Variants in MGAT4C observed in about 807,000 individuals in gnomAD.
The protein encoded by MGAT4C is MGAT4 family member C.
A neutral mutation model predicts 40.1 loss-of-function variants in MGAT4C; 19 were observed. The observed-to-expected ratio is 0.47, with a 90% CI of 0.33 to 0.70. The LOEUF (loss-of-function observed/expected upper bound fraction) is 0.70. Ranked by LOEUF, MGAT4C falls within the 30% of genes least tolerant of loss-of-function variation. MGAT4C has a pLI of 0.02. For synonymous variants in MGAT4C, 181 were observed against 187.1 expected (o/e 0.97, Z 0.27); for missense variants, 491 against 563.2 (o/e 0.87, Z 1.30).
At chr12:86,600,425 T>C (rs1961724057) in intron 2 of MGAT4C, among the ~76,000 whole-genome samples, 1 of 152,198 alleles carries the variant, frequency 6.6e-6, no homozygotes, top group Non-Finnish European at 1.5e-5. Flanking sequence ...TGTGATCTCA[T>C]GATCTCATTT....
chr12:86,520,867 G>C (rs973914374), intron 2 of MGAT4C, among the ~76,000 whole-genome samples: 33 of 152,022 alleles, frequency 2.2e-4, no homozygotes, highest in African/African-American at 7.7e-4. Context: ...TTTGCTTCAT[G>C]TATGTCTTTT....
At chr12:86,303,975 A>AAATTCC (rs1953875038) in intron 4 of MGAT4C, among the ~76,000 whole-genome samples, 1 of 150,282 alleles carries the variant, frequency 6.7e-6, no homozygotes, top group African/African-American at 2.5e-5. Flanking sequence ...ACTGGAATAG[A>AAATTCC]AAGTAGGCAT....
chr12:86,807,738 A>G (rs1288871348), intron 1 of MGAT4C, among the ~76,000 whole-genome samples: 2 of 152,064 alleles, frequency 1.3e-5, no homozygotes, highest in Non-Finnish European at 2.9e-5. Flanking sequence ...TTACATTCTC[A>G]CCAACAGTGT....
At position 86,376,103 on chromosome 12, in the gene MGAT4C, T is replaced by G. The variant is rs1353421400; in HGVS notation, c.-119-41976A>C. On this transcript the variant is annotated intron_variant, in intron 3 of 7. Coordinates refer to the MGAT4C transcript ENST00000548651. ...CAAATGGATAGTTAAATTGAAAAAATGAGGCTGTAGGGTGGCTCATGCCTA... is the reference window on the plus strand; with the variant it reads ...CAAATGGATAGTTAAATTGAAAAAAGGAGGCTGTAGGGTGGCTCATGCCTA... Among the ~76,000 whole-genome samples the G allele has an allele frequency of 2.0e-5, 3 of 150,960 alleles. No individual in the cohort carries two copies. In the East Asian group the frequency reaches 5.9e-4, roughly 30 times the overall value.
chr12:86,789,168 T>C (rs878942759), intron 1 of MGAT4C, among the ~76,000 whole-genome samples: 1 of 152,146 alleles, frequency 6.6e-6, no homozygotes, highest in African/African-American at 2.4e-5. Context: ...CGACACTTCT[T>C]GCTAACATTA....
intron 1 of MGAT4C, among the ~76,000 whole-genome samples, chr12:86,218,504 G>T (rs985985494): frequency 3.9e-5 from 6 of 152,054 alleles, no homozygotes; most frequent in Non-Finnish European, 7.4e-5. Flanking sequence ...TAAATTATAA[G>T]AAAAACACTG....
At chr12:86,360,358 G>A (rs1306428557) in intron 3 of MGAT4C, among the ~76,000 whole-genome samples, 2 of 152,170 alleles carry the variant, frequency 1.3e-5, no homozygotes, top group African/African-American at 2.4e-5. Context: ...AGCTATTTAT[G>A]ACAAACCCAC....
chr12:86,078,060 T>C (rs776145254), intron 1 of MGAT4C, among the ~76,000 whole-genome samples: 7 of 152,014 alleles, frequency 4.6e-5, no homozygotes, highest in African/African-American at 7.2e-5. Flanking sequence ...GAAGCAAAAA[T>C]TTTGCTGGTG....
chr12:86,665,560 G>A (rs889857937), intron 2 of MGAT4C, among the ~76,000 whole-genome samples: 2 of 151,880 alleles, frequency 1.3e-5, no homozygotes, highest in African/African-American at 2.4e-5. Flanking sequence ...TGTATTTTTA[G>A]TAGAGATGGG....
intron 2 of MGAT4C, among the ~76,000 whole-genome samples, chr12:86,013,998 A>T (rs1460201094): frequency 6.6e-6 from 1 of 152,168 alleles, no homozygotes; most frequent in African/African-American, 2.4e-5. Flanking sequence ...CTGCTGACCA[A>T]TAAAACACAA....
intron 1 of MGAT4C, among the ~76,000 whole-genome samples, chr12:86,793,972 A>G (rs1381903222): frequency 6.6e-6 from 1 of 152,000 alleles, no homozygotes; most frequent in Admixed American, 6.6e-5. Context: ...TTGGAAAGCA[A>G]GTAAGAGATG....
intron 1 of MGAT4C, among the ~76,000 whole-genome samples, chr12:86,249,291 C>T (rs1258008579): frequency 1.3e-5 from 2 of 152,060 alleles, no homozygotes; most frequent in African/African-American, 2.4e-5. Flanking sequence ...CATGTGTGAC[C>T]CACCTTTCTA....
At chr12:86,807,024 T>TA (rs1471201645) in intron 1 of MGAT4C, among the ~76,000 whole-genome samples, 1 of 149,826 alleles carries the variant, frequency 6.7e-6, no homozygotes, top group Admixed American at 6.7e-5. Flanking sequence ...TATATATAAA[T>TA]AAAAAATAAA....
rs186221196 is a variant in MGAT4C at position 86,366,923 on chromosome 12, G to A, written c.-119-32796C>T. Among the ~76,000 whole-genome samples, 7 of 152,084 alleles carry A rather than the reference G, an allele frequency of 4.6e-5. No individual in the cohort carries two copies. The East Asian group carries it at 1.4e-3, about 29-fold the overall frequency. On this transcript the variant is annotated intron_variant, in intron 3 of 7. Coordinates refer to the MGAT4C transcript ENST00000548651. ...TGTATTTATAAAAATTAACTTCTCAGCAATTTAGGAATATAATGAACCACT... is the reference window on the plus strand; with the variant it reads ...TGTATTTATAAAAATTAACTTCTCAACAATTTAGGAATATAATGAACCACT...
At chr12:86,260,583 C>A (rs1371758377), upstream of MGAT4C, among the ~76,000 whole-genome samples, 1 of 152,006 alleles carries the variant, frequency 6.6e-6, no homozygotes, top group Admixed American at 6.5e-5. Flanking sequence ...GGAAATGAAG[C>A]AGAGTTAGTT....
chr12:86,263,471 C>T (rs1370470929), intron 4 of MGAT4C, among the ~76,000 whole-genome samples: 1 of 152,012 alleles, frequency 6.6e-6, no homozygotes, highest in African/African-American at 2.4e-5. Flanking sequence ...AGATAATGTC[C>T]TCCAATTTTG....
At chr12:86,553,514 ATTATG>A (rs2136399484) in intron 2 of MGAT4C, among the ~76,000 whole-genome samples, 1 of 152,160 alleles carries the variant, frequency 6.6e-6, no homozygotes, top group African/African-American at 2.4e-5. Flanking sequence ...CCTCCTCACT[ATTATG>A]TTATCACTCC....
At chr12:86,582,300 A>G (rs1960815894) in intron 2 of MGAT4C, among the ~76,000 whole-genome samples, 1 of 151,360 alleles carries the variant, frequency 6.6e-6, no homozygotes, top group Admixed American at 6.6e-5. Flanking sequence ...TGAATGTGAA[A>G]TGATGAGTAC....
At chr12:86,022,191 C>T (rs1889804396) in intron 2 of MGAT4C, among the ~76,000 whole-genome samples, 1 of 152,142 alleles carries the variant, frequency 6.6e-6, no homozygotes, top group African/African-American at 2.4e-5. Context: ...TTAACTAGAA[C>T]AGAAAAATAC....
Sources: allele counts gnomAD v4.1 joint callset (sites outside exome capture counted in the v4.1 genomes callset), GRCh38; gene constraint gnomAD v4.1.1; transcripts MANE v1.5; gene names NCBI Gene and HGNC (gene_info 2026-07-23, HGNC 2026-07-21).